The following ROBO2 variants were observed in gnomAD, a reference collection of about 807,000 sequenced individuals.
ROBO2 encodes roundabout homolog 2.
ROBO2 carries 53 observed loss-of-function variants against 160.8 expected under a neutral mutation model. The observed-to-expected ratio is 0.33, with a 90% CI of 0.26 to 0.41. The LOEUF (loss-of-function observed/expected upper bound fraction) is 0.41, where lower values mean the gene tolerates loss of function less well. ROBO2 is among the 10% of genes least tolerant of loss of function. ROBO2 has a pLI of 1.00. For missense variants in ROBO2, 1,577 were observed against 1,722.4 expected, an observed-to-expected ratio of 0.92 and a Z score of 1.49; for synonymous variants, 664 against 611.7, an observed-to-expected ratio of 1.09 and a Z score of -1.26.
At chr3:77,376,109 A>G (rs929866200) in intron 2 of ROBO2, among the ~76,000 whole-genome samples, 2 of 151,826 alleles carry the variant, frequency 1.3e-5, no homozygotes, top group African/African-American at 4.8e-5. Context: ...CAGTTGTACT[A>G]TAAAAGGCAA....
intron 2 of ROBO2, among the ~76,000 whole-genome samples, chr3:76,521,341 G>A (rs4856041): frequency 0.086 from 13,068 of 152,084 alleles, 810 homozygotes; most frequent in East Asian, 0.22. Flanking sequence ...GAGCCACCGC[G>A]CCTGGCCCAA....
At chr3:77,000,228 T>C (rs748284748) in intron 2 of ROBO2, among the ~76,000 whole-genome samples, 3 of 152,190 alleles carry the variant, frequency 2.0e-5, no homozygotes, top group Non-Finnish European at 4.4e-5. Context: ...GAGATGTACA[T>C]GGACTCTATA....
chr3:76,170,542 A>T (rs2073003757), intron 2 of ROBO2, among the ~76,000 whole-genome samples: 1 of 152,150 alleles, frequency 6.6e-6, no homozygotes, highest in Non-Finnish European at 1.5e-5. Context: ...CATTACAGTG[A>T]AACAAATATA....
intron 8 of ROBO2, 83 bp downstream of exon 9, chr3:77,551,072 T>G: frequency 6.9e-7 from 1 of 1,444,420 alleles, no homozygotes; most frequent in South Asian, 1.2e-5. Context: ...AGTTTGCTGA[T>G]TTGTTAAATC....
intron 2 of ROBO2, among the ~76,000 whole-genome samples, chr3:77,166,492 C>T (rs2079086634): frequency 6.6e-6 from 1 of 152,060 alleles, no homozygotes; most frequent in Non-Finnish European, 1.5e-5. Context: ...TTCTCTTGTT[C>T]TATCTCTTAG....
intron 2 of ROBO2, among the ~76,000 whole-genome samples, chr3:76,538,560 T>C (rs1015082556): frequency 1.3e-5 from 2 of 152,232 alleles, no homozygotes; most frequent in African/African-American, 2.4e-5. Flanking sequence ...CCTTGGACTA[T>C]TGGTGTGAAA....
chr3:76,305,485 G>C (rs891308399), intron 2 of ROBO2, among the ~76,000 whole-genome samples: 1 of 150,756 alleles, frequency 6.6e-6, no homozygotes, highest in African/African-American at 2.4e-5. Context: ...CATCGGCAGG[G>C]TGTGGTGATT....
chr3:76,502,987 GATAT>G (rs72456914), intron 2 of ROBO2, among the ~76,000 whole-genome samples: 5 of 144,836 alleles, frequency 3.5e-5, no homozygotes, highest in Admixed American at 7.0e-5. Flanking sequence ...GAACTAACAG[GATAT>G]ATATATATAT....
rs200388202 is a variant in ROBO2 at position 76,322,164 on chromosome 3, GTATATATATATATATATATA to G, written c.109+384583_109+384602del. On this transcript the variant is annotated intron_variant, in intron 2 of 26. Transcript: ENST00000487694. The stretch of plus-strand genomic sequence containing the variant: ...ATTTGAAATGATTTCTACTTCTTCC[GTATATATATATATATATATA>G]TATATATATATATATATATAATATA... 1.9e-3 allele frequency among the ~76,000 whole-genome samples: 203 copies of G among 108,104 alleles called. 3 individuals carry two copies. The highest frequency in any genetic ancestry group is 7.2e-3 in the East Asian group (23 of 3,216). The allele number at this position is 108,104 out of a possible 152,430, so 70.9% of individuals were successfully genotyped here.
chr3:77,287,121 T>C (rs2060657281), intron 2 of ROBO2, among the ~76,000 whole-genome samples: 1 of 152,188 alleles, frequency 6.6e-6, no homozygotes, highest in African/African-American at 2.4e-5. Flanking sequence ...AATTGATCCA[T>C]CATACAATCC....
At chr3:76,947,645 G>A (rs577281954) in intron 2 of ROBO2, among the ~76,000 whole-genome samples, 1 of 150,356 alleles carries the variant, frequency 6.7e-6, no homozygotes, top group Admixed American at 6.6e-5. Flanking sequence ...TCTTGCAATC[G>A]ATGACATGTG....
At chr3:77,478,695 T>A (rs1442435464) in intron 3 of ROBO2, among the ~76,000 whole-genome samples, 2 of 152,214 alleles carry the variant, frequency 1.3e-5, no homozygotes, top group Non-Finnish European at 2.9e-5. Flanking sequence ...ACTGAATAAA[T>A]GTGCCATTTT....
chr3:76,923,421 G>T (rs2076792870), intron 2 of ROBO2, among the ~76,000 whole-genome samples: 1 of 152,224 alleles, frequency 6.6e-6, no homozygotes, highest in South Asian at 2.1e-4. Flanking sequence ...TATGAGTGTA[G>T]TGTAGCTAAA....
intron 2 of ROBO2, among the ~76,000 whole-genome samples, chr3:76,161,607 C>A (rs1310185671): frequency 6.6e-6 from 1 of 152,114 alleles, no homozygotes; most frequent in Non-Finnish European, 1.5e-5. Context: ...GACCCTTTCT[C>A]TTCTGGTTCT....
intron 2 of ROBO2, among the ~76,000 whole-genome samples, chr3:76,446,429 T>C (rs2077185169): frequency 6.6e-6 from 1 of 152,136 alleles, no homozygotes; most frequent in Admixed American, 6.6e-5. Context: ...TGCTCATGGA[T>C]AGGAAGAATC....
intron 2 of ROBO2, among the ~76,000 whole-genome samples, chr3:76,272,356 TA>T (rs1369200221): frequency 1.3e-5 from 2 of 151,940 alleles, no homozygotes; most frequent in Non-Finnish European, 2.9e-5. Flanking sequence ...CAGAGGTTAT[TA>T]AAACTAACTT....
chr3:76,750,047 A>G (rs1453204369), intron 2 of ROBO2, among the ~76,000 whole-genome samples: 1 of 152,148 alleles, frequency 6.6e-6, no homozygotes, highest in African/African-American at 2.4e-5. Flanking sequence ...AAAAATCCGC[A>G]ATAAAATACT....
At chr3:77,044,160 A>G (rs1439623573) in intron 1 of ROBO2, among the ~76,000 whole-genome samples, 2 of 150,726 alleles carry the variant, frequency 1.3e-5, no homozygotes, top group African/African-American at 4.9e-5. Flanking sequence ...TTAAGCAAAA[A>G]TATTGTAAAA....
At chr3:76,551,252 C>A (rs906861198) in intron 2 of ROBO2, among the ~76,000 whole-genome samples, 1 of 151,974 alleles carries the variant, frequency 6.6e-6, no homozygotes, top group Non-Finnish European at 1.5e-5. Context: ...CTCCTCAATT[C>A]GTAAGAACGA....
Sources: gnomAD v4.1 joint callset for allele counts (sites outside exome capture counted in the v4.1 genomes callset) on GRCh38, gnomAD v4.1.1 for gene constraint, MANE v1.5 for transcripts, NCBI Gene and HGNC (gene_info 2026-07-23, HGNC 2026-07-21) for gene names.